Variants in CMKLR1 observed in about 807,000 individuals in gnomAD.
CMKLR1 encodes the protein chemerin-like receptor 1.
CMKLR1 carries 6 observed loss-of-function variants against 8.2 expected under a neutral mutation model. The ratio of observed to expected loss-of-function variants is 0.73; its 90% CI spans 0.40 to 1.44. CMKLR1 has a LOEUF of 1.44. Ranked by LOEUF, CMKLR1 falls within the 40% of genes most tolerant of loss-of-function variation. CMKLR1 has a pLI of 0.02. For missense variants in CMKLR1, 429 were observed against 478.0 expected (o/e 0.90, Z 0.96); for synonymous variants, 178 against 181.2 (o/e 0.98, Z 0.14).
rs11303250 is a variant in CMKLR1, at chr12:108,301,071, CTTT to C, written c.-73-7410_-73-7408del. ...GACCACAATCAGCATCCACCCAAGT[CTTT>C]TTTTTTTTTTTTTTTTTTTTGAGAC... On this transcript the variant is annotated intron_variant, in intron 2 of 3. Coordinates refer to ENST00000550402, the MANE Select transcript of CMKLR1 (RefSeq NM_001142343.2). Among the ~76,000 whole-genome samples the C allele has an allele frequency of 9.8e-3, 887 of 90,412 alleles. 6 individuals are homozygous for C. The highest frequency in any genetic ancestry group is 0.036 in the African/African-American group (820 of 22,984). The allele number at this position is 90,412 out of a possible 152,430, so 59.3% of individuals were successfully genotyped here.
At chr12:108,325,682 G>A (rs1891966678) in intron 2 of CMKLR1, among the ~76,000 whole-genome samples, 1 of 152,110 alleles carries the variant, frequency 6.6e-6, no homozygotes, top group Non-Finnish European at 1.5e-5. Flanking sequence ...AGGCAATCAA[G>A]CAAGGAAGTC....
chr12:108,295,723 C>G (rs1891116653), intron 2 of CMKLR1, among the ~76,000 whole-genome samples: 2 of 152,248 alleles, frequency 1.3e-5, no homozygotes, highest in South Asian at 4.1e-4. Context: ...CTTCCCCTCC[C>G]TCATTGACAG....
At chr12:108,314,204 G>C (rs1891659549) in intron 2 of CMKLR1, among the ~76,000 whole-genome samples, 1 of 152,214 alleles carries the variant, frequency 6.6e-6, no homozygotes, top group African/African-American at 2.4e-5. Context: ...AACATGTGTA[G>C]AGACAGAAAA....
chr12:108,296,732 AG>A (rs908559465), intron 2 of CMKLR1, among the ~76,000 whole-genome samples: 9 of 152,102 alleles, frequency 5.9e-5, no homozygotes, highest in African/African-American at 1.9e-4. Context: ...AGGCTGAGGC[AG>A]GGGAATTGCT....
At chr12:108,301,993 A>G (rs1408453883) in intron 2 of CMKLR1, among the ~76,000 whole-genome samples, 3 of 152,186 alleles carry the variant, frequency 2.0e-5, no homozygotes, top group African/African-American at 4.8e-5. Context: ...ACGGAGGAAG[A>G]TATTTACAAT....
At chr12:108,319,687 T>C (rs1055264365) in intron 2 of CMKLR1, among the ~76,000 whole-genome samples, 1 of 152,214 alleles carries the variant, frequency 6.6e-6, no homozygotes, top group Non-Finnish European at 1.5e-5. Flanking sequence ...ATATTATCCA[T>C]TGTTATTATT....
In CMKLR1 at chr12:108,293,672, G is replaced by GAA. The variant is rs59925321; in HGVS notation, c.-73-10_-73-9dup. The GAA allele has an allele frequency of 5.1e-3, 4,560 of 899,718 alleles. No individual in the cohort carries two copies. Among genetic ancestry groups the GAA allele is most frequent in the South Asian group, 0.011 (571 of 54,132 alleles). The allele number at this position is 899,718 out of a possible 1,614,324, so 55.7% of individuals were successfully genotyped here. A position where few individuals can be genotyped will look rare whatever the true frequency, so the allele number is the denominator to read the frequency against. On this transcript the variant is annotated splice_polypyrimidine_tract_variant and intron_variant, in intron 2 of 3. Transcript: ENST00000550402. ...GTACACAGCTAGAAACACCTGTAGG[G>GAA]AAAAAAAAAAAAAAAAAAGCAGCAA...
intron 1 of CMKLR1, among the ~76,000 whole-genome samples, chr12:108,337,737 T>C (rs1892262106): frequency 6.6e-6 from 1 of 152,152 alleles, no homozygotes; most frequent in African/African-American, 2.4e-5. Context: ...CATCAAGAGA[T>C]AACTCTCCTG....
At chr12:108,293,479 C>A in intron 3 of CMKLR1, 110 bp downstream of exon 3, 1 of 1,143,476 alleles carries the variant, frequency 8.7e-7, no homozygotes, top group Non-Finnish European at 1.3e-6. Context: ...GAACTTGATT[C>A]CAACATGCTT....
rs1280254829 is a variant in CMKLR1 at position 108,288,833 on chromosome 12, AG to A, written c.*3007del. Reference sequence around the variant, plus strand: ...TTCTTCTCCCCACCCTCTCCTTCCAAGGGCTGAAGAAGTTGGGCATTCAGGC... The same window carrying A: ...TTCTTCTCCCCACCCTCTCCTTCCAAGGCTGAAGAAGTTGGGCATTCAGGC... On this transcript the variant is annotated 3_prime_UTR_variant, in exon 4 of 4. Coordinates refer to ENST00000550402, the MANE Select transcript of CMKLR1 (RefSeq NM_001142343.2). The A allele has an allele frequency of 2.6e-5, 4 of 151,810 alleles. No individual in the cohort carries two copies. The highest frequency in any genetic ancestry group is 7.3e-5 in the African/African-American group (3 of 41,234). The allele number at this position is 151,810 out of a possible 1,614,324, so 9.4% of individuals were successfully genotyped here.
Position 108,303,505 on chromosome 12 carries a change from C to T in CMKLR1, c.-73-9841G>A, listed in dbSNP as rs1382535139. 2.6e-5 allele frequency among the ~76,000 whole-genome samples: 4 copies of T among 152,360 alleles called. No individual in the cohort carries two copies. The South Asian group carries it at 6.2e-4, about 24-fold the overall frequency. On this transcript the variant is annotated intron_variant, in intron 2 of 3. Coordinates refer to ENST00000550402, the MANE Select transcript of CMKLR1 (RefSeq NM_001142343.2). ...AAACAGGCACAGAGAAGGTAACTAA[C>T]GTGCCCAAGGTCACACAGAGAGCTC...
chr12:108,330,987 T>C (rs1892091139), intron 1 of CMKLR1, among the ~76,000 whole-genome samples: 1 of 152,000 alleles, frequency 6.6e-6, no homozygotes, highest in Non-Finnish European at 1.5e-5. Context: ...AAAATGAACC[T>C]CCTCTCTTAC....
At chr12:108,326,260 T>C (rs1261669946) in intron 2 of CMKLR1, among the ~76,000 whole-genome samples, 3 of 152,326 alleles carry the variant, frequency 2.0e-5, no homozygotes, top group African/African-American at 4.8e-5. Flanking sequence ...TGTGGCTTGC[T>C]TGTCTCTAAG....
At chr12:108,318,221 C>G (rs144933824) in intron 2 of CMKLR1, among the ~76,000 whole-genome samples, 28 of 152,332 alleles carry the variant, frequency 1.8e-4, no homozygotes, top group African/African-American at 5.5e-4. Flanking sequence ...ATATGTGTAT[C>G]ATTTTCCACA....
At chr12:108,335,820 C>G (rs1487922806) in intron 1 of CMKLR1, among the ~76,000 whole-genome samples, 2 of 152,186 alleles carry the variant, frequency 1.3e-5, no homozygotes, top group Non-Finnish European at 2.9e-5. Flanking sequence ...AAGAATAACA[C>G]CACCTTTATC....
chr12:108,300,468 T>C (rs1891238422), intron 2 of CMKLR1, among the ~76,000 whole-genome samples: 1 of 55,902 alleles, frequency 1.8e-5, no homozygotes, highest in Admixed American at 2.7e-4. Flanking sequence ...TATTGTTTGA[T>C]GAATGAATGA....
At chr12:108,298,946 C>A (rs1206458439) in intron 2 of CMKLR1, among the ~76,000 whole-genome samples, 1 of 152,236 alleles carries the variant, frequency 6.6e-6, no homozygotes, top group Non-Finnish European at 1.5e-5. Flanking sequence ...GAGATGGCAG[C>A]ACAAGGTCCA....
At chr12:108,297,092 C>T (rs1891158297) in intron 2 of CMKLR1, among the ~76,000 whole-genome samples, 1 of 152,154 alleles carries the variant, frequency 6.6e-6, no homozygotes, top group Non-Finnish European at 1.5e-5. Flanking sequence ...GTTTTAACTG[C>T]GTGGGTCCAC....
chr12:108,329,598 T>C (rs1892057277), intron 2 of CMKLR1, among the ~76,000 whole-genome samples: 1 of 152,146 alleles, frequency 6.6e-6, no homozygotes, highest in African/African-American at 2.4e-5. Flanking sequence ...AGTAGTCACT[T>C]ACTGTTCTGA....
Sources: allele counts gnomAD v4.1 joint callset (sites outside exome capture counted in the v4.1 genomes callset), GRCh38; gene constraint gnomAD v4.1.1; transcripts MANE v1.5; gene names NCBI Gene and HGNC (gene_info 2026-07-23, HGNC 2026-07-21).